The following GNAL variants were observed in gnomAD, a reference collection of about 807,000 sequenced individuals.
GNAL encodes the protein guanine nucleotide-binding protein G(olf) subunit alpha.
GNAL carries 18 observed loss-of-function variants against 55.1 expected under a neutral mutation model. That is an observed-to-expected ratio of 0.33 (90% CI 0.23 to 0.48). The LOEUF (loss-of-function observed/expected upper bound fraction) is 0.48, where lower values mean the gene tolerates loss of function less well. Ranked by LOEUF, GNAL falls within the 20% of genes least tolerant of loss-of-function variation. The pLI is 0.99. For missense variants in GNAL, 412 were observed against 614.1 expected (o/e 0.67, Z 3.48); for synonymous variants, 253 against 237.0 (o/e 1.07, Z -0.62).
chr18:11,757,862 T>C (rs2033110497), intron 4 of GNAL, among the ~76,000 whole-genome samples: 1 of 151,888 alleles, frequency 6.6e-6, no homozygotes, highest in Non-Finnish European at 1.5e-5. Flanking sequence ...AAAATGGCTT[T>C]GGCGGCTTCA....
At chr18:11,807,535 G>A (rs967002126) in intron 4 of GNAL, among the ~76,000 whole-genome samples, 20 of 152,242 alleles carry the variant, frequency 1.3e-4, no homozygotes, top group African/African-American at 4.3e-4. Flanking sequence ...GGGGGAAACC[G>A]CAGGTGGAGC....
At position 11,744,435 on chromosome 18, in the gene GNAL, C is replaced by T. The variant is rs75944983; in HGVS notation, c.377-8418C>T. Among the ~76,000 whole-genome samples, 1,490 of 152,132 alleles carry T rather than the reference C, an allele frequency of 9.8e-3. 22 individuals are homozygous for T. The highest frequency in any genetic ancestry group is 0.034 in the African/African-American group (1,425 of 41,500). On this transcript the variant is annotated intron_variant, in intron 1 of 11. Transcript: ENST00000334049. ...TTTATCATGATGTTTTTTAAGTGTA[C>T]TATAATTAGGTCACAGAATGATCTC...
intron 4 of GNAL, among the ~76,000 whole-genome samples, chr18:11,808,654 AT>A (rs949983466): frequency 4.9e-4 from 75 of 152,358 alleles, no homozygotes; most frequent in African/African-American, 1.7e-3. Context: ...CCAGGCATGT[AT>A]CCAAACGGAA....
In GNAL at chr18:11,881,162, G is replaced by A. The variant is rs138734039; in HGVS notation, c.*27G>A. On this transcript the variant is annotated 3_prime_UTR_variant, in exon 12 of 12. Coordinates refer to ENST00000334049, the MANE Select transcript of GNAL (RefSeq NM_182978.4). This position sits in a 1 kb window ranked among gnomAD's most constrained non-coding sequence, Gnocchi z 4.8. ...GATGCTGCCGCCACCCTGCGACGGA[G>A]CGGCGCCCCGGACTGCCTGACTGCC... 6.3e-7 allele frequency: 1 copy of A among 1,581,586 alleles called. No individual in the cohort carries two copies. Among genetic ancestry groups the A allele is most frequent in the Non-Finnish European group, 8.6e-7 (1 of 1,161,190 alleles).
chr18:11,859,756 T>G (rs2036088840), intron 5 of GNAL, among the ~76,000 whole-genome samples: 1 of 152,054 alleles, frequency 6.6e-6, no homozygotes, highest in South Asian at 2.1e-4. Flanking sequence ...ATTCTTTTTT[T>G]TTTTTTTGAG....
chr18:11,866,749 C>G (rs1388421756), intron 7 of GNAL, among the ~76,000 whole-genome samples: 1 of 150,268 alleles, frequency 6.7e-6, no homozygotes, highest in Non-Finnish European at 1.5e-5. Context: ...AGGGAAGACA[C>G]AGTGTCCTGA....
chr18:11,729,823 C>T (rs1301831820), intron 1 of GNAL, among the ~76,000 whole-genome samples: 1 of 152,106 alleles, frequency 6.6e-6, no homozygotes, highest in Non-Finnish European at 1.5e-5. Flanking sequence ...TTGATTAAGT[C>T]GCCCCGAGGC....
intron 1 of GNAL, among the ~76,000 whole-genome samples, chr18:11,749,462 A>G (rs1438827119): frequency 6.6e-6 from 1 of 152,238 alleles, no homozygotes. Context: ...TTTGATGAGA[A>G]TTCACACTTT....
chr18:11,840,879 T>TC (rs1360000019), intron 5 of GNAL, among the ~76,000 whole-genome samples: 27 of 149,720 alleles, frequency 1.8e-4, no homozygotes, highest in African/African-American at 6.1e-4. Context: ...TCTTTTCTTT[T>TC]TTTTTTTTTT....
intron 4 of GNAL, among the ~76,000 whole-genome samples, chr18:11,765,997 C>T (rs1401419841): frequency 3.3e-5 from 5 of 152,162 alleles, no homozygotes; most frequent in African/African-American, 7.2e-5. Flanking sequence ...TTGTTCTTAT[C>T]GTTGCTAGTT....
chr18:11,729,103 C>G (rs1366882349), intron 1 of GNAL, among the ~76,000 whole-genome samples: 1 of 151,976 alleles, frequency 6.6e-6, no homozygotes, highest in African/African-American at 2.4e-5. Flanking sequence ...TGGCCGCAAA[C>G]GAGATAGTTA....
chr18:11,697,568 AAGAG>A (rs890673585), intron 1 of GNAL, among the ~76,000 whole-genome samples: 35 of 151,420 alleles, frequency 2.3e-4, no homozygotes, highest in Middle Eastern at 3.4e-3. Flanking sequence ...AGAAAAAAAA[AAGAG>A]AGAGAGAGAT....
At chr18:11,848,441 TTTTTCTTTTTTTTTC>T (rs1302096055) in intron 5 of GNAL, among the ~76,000 whole-genome samples, 25 of 151,532 alleles carry the variant, frequency 1.6e-4, no homozygotes, top group Non-Finnish European at 2.8e-4. Context: ...GCAACCATAC[TTTTTCTTTTTTTTTC>T]TTTTCTTTTT....
intron 1 of GNAL, among the ~76,000 whole-genome samples, chr18:11,701,826 C>G (rs536522234): frequency 6.6e-6 from 1 of 152,228 alleles, no homozygotes; most frequent in East Asian, 1.9e-4. Context: ...AAGGAGACTG[C>G]TCCTTTTATC....
intron 4 of GNAL, among the ~76,000 whole-genome samples, 197 bp downstream of exon 4, chr18:11,754,142 C>T (rs1286697696): frequency 6.6e-6 from 1 of 152,138 alleles, no homozygotes; most frequent in Non-Finnish European, 1.5e-5. Context: ...CGGCCAGGGG[C>T]GGTGGCTCAC....
At chr18:11,798,827 G>A (rs541063287) in intron 4 of GNAL, among the ~76,000 whole-genome samples, 6 of 152,026 alleles carry the variant, frequency 3.9e-5, no homozygotes, top group African/African-American at 9.7e-5. Flanking sequence ...TTTAACATAC[G>A]TTAAATGGGG....
intron 1 of GNAL, chr18:11,745,784 A>G (rs2032675382): frequency 6.2e-6 from 1 of 161,632 alleles, no homozygotes; most frequent in African/African-American, 2.4e-5. Context: ...GAGTGAAGAA[A>G]TATCCATATT....
At chr18:11,848,815 CAAAA>C in intron 5 of GNAL, among the ~76,000 whole-genome samples, 1 of 152,128 alleles carries the variant, frequency 6.6e-6, no homozygotes, top group East Asian at 1.9e-4. Flanking sequence ...TCTGTCTTCT[CAAAA>C]AAACAGCTGG....
rs537590011 is a variant in GNAL, at chr18:11,880,251, C to T, written c.1231-738C>T. On this transcript the variant is annotated intron_variant, in intron 11 of 11. Coordinates refer to ENST00000334049, the MANE Select transcript of GNAL (RefSeq NM_182978.4). The stretch of plus-strand genomic sequence containing the variant: ...CAGCCTGGGGGACACAGCGAGACTC[C>T]ATCTCAAACAAACAAAAAAACAAAC... Among the ~76,000 whole-genome samples, 102 of 139,318 alleles carry T rather than the reference C, an allele frequency of 7.3e-4. 1 individual carries two copies. Among genetic ancestry groups the T allele is most frequent in the Non-Finnish European group, 1.3e-3 (85 of 64,108 alleles). 91.4% of individuals were successfully genotyped at this position (139,318 alleles called of 152,430 possible).
Sources: gnomAD v4.1 joint callset for allele counts (sites outside exome capture counted in the v4.1 genomes callset) on GRCh38, gnomAD v4.1.1 for gene constraint, Gnocchi (gnomAD v3.1) non-coding constraint, MANE v1.5 for transcripts, NCBI Gene and HGNC (gene_info 2026-07-23, HGNC 2026-07-21) for gene names.